Variants in ATXN3 observed in about 807,000 individuals in gnomAD.
ATXN3 encodes ataxin 3.
In ATXN3, 28 loss-of-function variants were observed where a neutral mutation model predicts 58.2. The ratio of observed to expected loss-of-function variants is 0.48; its 90% CI spans 0.36 to 0.66. ATXN3 has a LOEUF of 0.66. Among genes scored for constraint, ATXN3 ranks in the 30% least tolerant of loss-of-function variants. The probability of loss-of-function intolerance (pLI) is 0.00; values close to 1 mark genes in which losing one functional copy is unlikely to be tolerated. For missense variants in ATXN3, 321 were observed against 422.1 expected, an observed-to-expected ratio of 0.76 and a Z score of 2.10; for synonymous variants, 113 against 138.5, an observed-to-expected ratio of 0.82 and a Z score of 1.29.
Position 92,096,840 on chromosome 14 carries a change from T to A in ATXN3, c.25-2A>T. ...TTGAGCACAAAGTGAGCCTTCTTGC[T>A]AATATTTCCAAAAGAAAAAATTAAA... is the stretch of plus-strand genomic sequence containing the variant. On this transcript the variant is annotated splice_acceptor_variant, in intron 1 of 10. Transcript: ENST00000644486. LOFTEE classifies it high-confidence loss of function. The A allele has an allele frequency of 6.2e-7, 1 of 1,612,634 alleles. No homozygotes were observed. The highest frequency in any genetic ancestry group is 8.5e-7 in the Non-Finnish European group (1 of 1,179,100).
intron 1 of ATXN3, among the ~76,000 whole-genome samples, chr14:92,098,063 A>G (rs1259054898): frequency 6.6e-6 from 1 of 152,164 alleles, no homozygotes; most frequent in Non-Finnish European, 1.5e-5. Context: ...CATTTTCAGT[A>G]CCTAAAATAA....
In ATXN3 at chr14:92,083,261, A is replaced by T; in HGVS notation, c.476-3T>A. The T allele has an allele frequency of 8.7e-7, 1 of 1,155,922 alleles. No individual in the cohort carries two copies. Among genetic ancestry groups the T allele is most frequent in the Non-Finnish European group, 1.2e-6 (1 of 853,822 alleles). 71.6% of individuals were successfully genotyped at this position (1,155,922 alleles called of 1,614,324 possible). ...CTTAACGACAAATATAGAATAACCTAAAAAAAAAAGGCAAAAATCAACCTA... is the reference window on the plus strand; with the variant it reads ...CTTAACGACAAATATAGAATAACCTTAAAAAAAAAGGCAAAAATCAACCTA... On this transcript the variant is annotated splice_polypyrimidine_tract_variant and splice_region_variant and intron_variant, in intron 6 of 10. Coordinates refer to ENST00000644486, the MANE Select transcript of ATXN3 (RefSeq NM_004993.6).
chr14:92,091,562 G>A (rs2063814556), intron 5 of ATXN3, among the ~76,000 whole-genome samples: 1 of 151,860 alleles, frequency 6.6e-6, no homozygotes, highest in African/African-American at 2.4e-5. Flanking sequence ...TTTTGTTTTT[G>A]AATTATCTCT....
chr14:92,103,755 C>T lies in ATXN3; in HGVS notation c.24+2774G>A, dbSNP rs189707249. Among the ~76,000 whole-genome samples, 8 of 152,310 alleles carry T rather than the reference C, an allele frequency of 5.3e-5. No homozygotes were observed. In the South Asian group the frequency reaches 1.0e-3, roughly 20 times the overall value. On this transcript the variant is annotated intron_variant, in intron 1 of 10. Coordinates refer to ENST00000644486, the MANE Select transcript of ATXN3 (RefSeq NM_004993.6). ...TAATAAAGGGTACTCAAAGTGACTA[C>T]TCAGAAAGAGGAAACCAAGGTTCCA... is the stretch of plus-strand genomic sequence containing the variant.
downstream of ATXN3, among the ~76,000 whole-genome samples, chr14:92,058,164 T>C (rs2057500092): frequency 6.6e-6 from 1 of 152,340 alleles, no homozygotes; most frequent in African/African-American, 2.4e-5. Context: ...GCGTTATTCA[T>C]ATTCATCACT....
chr14:92,072,643 C>G (rs763625200), intron 9 of ATXN3, among the ~76,000 whole-genome samples: 14 of 124,600 alleles, frequency 1.1e-4, no homozygotes, highest in Non-Finnish European at 2.3e-4. Context: ...CACAGAAAAC[C>G]AAAAACCAAA....
chr14:92,086,253 C>CAAAAAAAAAAAAAAAAAAAA (rs869147623), intron 6 of ATXN3, among the ~76,000 whole-genome samples: 10 of 94,914 alleles, frequency 1.1e-4, no homozygotes, highest in East Asian at 3.2e-4. Flanking sequence ...ACTAAAAATA[C>CAAAAAAAAAAAAAAAAAAAA]AAAAAAAAAA....
rs564165980 is a variant in ATXN3 at position 92,062,735 on chromosome 14, T to C, written c.*1585A>G. On this transcript the variant is annotated 3_prime_UTR_variant, in exon 11 of 11. Transcript: ENST00000644486. ...ATAATGACTTAAAAAATCTGTTATA[T>C]CGAAGAAAAAGCTATTTTATAATCA... 1.3e-5 allele frequency: 2 copies of C among 152,708 alleles called. No individual in the cohort carries two copies. Among genetic ancestry groups the C allele is most frequent in the East Asian group, 3.9e-4 (2 of 5,192 alleles). The allele number at this position is 152,708 out of a possible 1,614,324, so 9.5% of individuals were successfully genotyped here.
chr14:92,046,549 G>A (rs563555414), intron 2 of ATXN3, among the ~76,000 whole-genome samples: 12 of 152,260 alleles, frequency 7.9e-5, no homozygotes, highest in African/African-American at 2.6e-4. Flanking sequence ...TTTCAGCTGT[G>A]TGTAATGAAA....
rs1050273251 is a variant in ATXN3 at position 92,088,772 on chromosome 14, C to G, written c.433G>C (p.Asp145His). ...SLLTGPELIS[D>H]TYLALFLAQL... ...GCCAAGAAAAGTGCAAGATATGTAT[C>G]TGATATTAATTCTGGACCCGTCAAG... is the stretch of plus-strand genomic sequence containing the variant. The change falls in exon 6 of 11, where the codon GAT becomes CAT. Residue 145 changes from aspartate (D) to histidine (H), a missense_variant. Physicochemically the swap from Asp to His is moderately conservative, Grantham distance 81 (BLOSUM62 -1). Transcript: ENST00000644486. 6.2e-7 allele frequency: 1 copy of G among 1,612,564 alleles called. No homozygotes were observed. The highest frequency in any genetic ancestry group is 1.3e-5 in the African/African-American group (1 of 74,876).
chr14:92,076,351 G>A (rs1324021536), intron 9 of ATXN3, among the ~76,000 whole-genome samples: 1 of 151,822 alleles, frequency 6.6e-6, no homozygotes, highest in Admixed American at 6.6e-5. Flanking sequence ...GGGAGGCTGA[G>A]GCAGGGGAAT....
At chr14:92,099,100 G>A (rs1263657682) in intron 1 of ATXN3, among the ~76,000 whole-genome samples, 1 of 152,148 alleles carries the variant, frequency 6.6e-6, no homozygotes, top group African/African-American at 2.4e-5. Context: ...CTGAATTGAC[G>A]GCAGATGAGA....
At chr14:92,073,820 CAGAGTGAGACTCTGTCTCAAAAAAAACAA>C (rs2059867383) in intron 9 of ATXN3, among the ~76,000 whole-genome samples, 1 of 151,532 alleles carries the variant, frequency 6.6e-6, no homozygotes, top group Non-Finnish European at 1.5e-5. Flanking sequence ...GCCTGGGTGA[CAGAGTGAGACTCTGTCTCAAAAAAAACAA>C]AACAAAAACA....
upstream of ATXN3, among the ~76,000 whole-genome samples, chr14:92,051,439 C>CT (rs757485859): frequency 3.3e-5 from 5 of 152,006 alleles, no homozygotes; most frequent in African/African-American, 9.7e-5. Context: ...ACCCAGGACT[C>CT]TGTTTTCCTG....
intron 5 of ATXN3, among the ~76,000 whole-genome samples, chr14:92,090,891 G>C (rs999303020): frequency 2.0e-5 from 3 of 150,722 alleles, no homozygotes; most frequent in Non-Finnish European, 4.4e-5. Flanking sequence ...ACGCTACACT[G>C]GTTTTTACCT....
At chr14:92,056,082 C>T (rs771880491), downstream of ATXN3, among the ~76,000 whole-genome samples, 1 of 152,030 alleles carries the variant, frequency 6.6e-6, no homozygotes, top group East Asian at 1.9e-4. Flanking sequence ...GGAGAAGGCA[C>T]GGAAGCAATG....
chr14:92,077,835 C>A (rs1022014953), intron 9 of ATXN3, among the ~76,000 whole-genome samples: 5 of 151,404 alleles, frequency 3.3e-5, no homozygotes, highest in African/African-American at 1.2e-4. Flanking sequence ...TTAGTAGAGA[C>A]AGGCTTTCGC....
intron 3 of ATXN3, 148 bp from the exon 4 acceptor site, chr14:92,093,979 T>G (rs1217542061): frequency 1.8e-6 from 1 of 541,358 alleles, no homozygotes; most frequent in Non-Finnish European, 3.2e-6. Context: ...AGTCTTGCTC[T>G]GTCGCCCAGG....
intron 10 of ATXN3, 110 bp downstream of exon 10, chr14:92,070,825 A>G: frequency 1.3e-6 from 2 of 1,595,886 alleles, no homozygotes; most frequent in Non-Finnish European, 1.7e-6. Flanking sequence ...AAGATTCTTA[A>G]TATGATTAAA....
Sources: allele counts gnomAD v4.1 joint callset (sites outside exome capture counted in the v4.1 genomes callset), GRCh38; gene constraint gnomAD v4.1.1; transcripts MANE v1.5; gene names NCBI Gene and HGNC (gene_info 2026-07-23, HGNC 2026-07-21).